NME5: variants seen among roughly 807,000 people sequenced by gnomAD.
NME5 encodes NME/NM23 family member 5.
NME5 carries 18 observed loss-of-function variants against 21.6 expected under a neutral mutation model. The ratio of observed to expected loss-of-function variants is 0.83; its 90% CI spans 0.58 to 1.24. The LOEUF is 1.24. NME5 is among the 50% of genes most tolerant of loss of function. The pLI, the probability that NME5 is intolerant of heterozygous loss-of-function variation, is 0.00. For synonymous variants in NME5, 70 were observed against 80.6 expected, an observed-to-expected ratio of 0.87 and a Z score of 0.71; for missense variants, 223 against 255.4, an observed-to-expected ratio of 0.87 and a Z score of 0.86.
chr5:138,135,260 G>T (rs1418142665), intron 2 of NME5, among the ~76,000 whole-genome samples: 1 of 144,116 alleles, frequency 6.9e-6, no homozygotes, highest in African/African-American at 2.5e-5. Context: ...GGAGCTTGCC[G>T]TGAGCCGAGA....
intron 4 of NME5, among the ~76,000 whole-genome samples, chr5:138,120,904 G>C (rs1434753444): frequency 6.6e-6 from 1 of 152,108 alleles, no homozygotes; most frequent in African/African-American, 2.4e-5. Flanking sequence ...AATACACCTA[G>C]CCTATTGAAC....
intron 5 of NME5, among the ~76,000 whole-genome samples, chr5:138,118,251 A>G (rs575169907): frequency 0.016 from 2,306 of 148,556 alleles, 25 homozygotes; most frequent in Non-Finnish European, 0.023. Context: ...TCAGCCTCCC[A>G]AGTAGCTGGG....
At chr5:138,135,320 A>G (rs1338959136) in intron 2 of NME5, among the ~76,000 whole-genome samples, 8 of 134,812 alleles carry the variant, frequency 5.9e-5, no homozygotes, top group African/African-American at 2.1e-4. Flanking sequence ...ACTCCGTCTC[A>G]AAAAAAAAAA....
At chr5:138,128,642 G>T in intron 3 of NME5, 63 bp from the exon 4 acceptor site, 1 of 1,073,528 alleles carries the variant, frequency 9.3e-7, no homozygotes, top group East Asian at 2.5e-5. Flanking sequence ...TTATATGCAT[G>T]CATTCCACTT....
chr5:138,129,524 C>T, intron 2 of NME5, 56 bp from the exon 3 acceptor site: 2 of 1,195,656 alleles, frequency 1.7e-6, no homozygotes, highest in South Asian at 2.5e-5. Context: ...AATGATAGCT[C>T]ATTAAAATCA....
At chr5:138,135,522 A>G (rs1319232810) in intron 2 of NME5, among the ~76,000 whole-genome samples, 4 of 151,390 alleles carry the variant, frequency 2.6e-5, no homozygotes, top group Admixed American at 2.0e-4. Flanking sequence ...TTTAGTAGAG[A>G]CGGGGTTTCA....
rs1751220964 is a variant in NME5 at position 138,118,817 on chromosome 5, C to A, written c.555+1G>T. On this transcript the variant is annotated splice_donor_variant, in intron 5 of 5. Coordinates refer to ENST00000265191, the MANE Select transcript of NME5 (RefSeq NM_003551.3). LOFTEE classifies it high-confidence loss of function. ...TAAGTGTGAATAAAAATATTTCTTA[C>A]CAAAGGATCTGCTGGTTTTTGCTTA... is the stretch of plus-strand genomic sequence containing the variant. The A allele has an allele frequency of 6.3e-7, 1 of 1,576,700 alleles. No individual in the cohort carries two copies. The highest frequency in any genetic ancestry group is 1.3e-5 in the African/African-American group (1 of 74,094).
At chr5:138,118,991 A>C in intron 4 of NME5, 55 bp from the exon 5 acceptor site, 2 of 1,006,874 alleles carry the variant, frequency 2.0e-6, no homozygotes, top group Non-Finnish European at 3.0e-6. Flanking sequence ...AATACTATAC[A>C]ATCATTAAAA....
intron 2 of NME5, among the ~76,000 whole-genome samples, chr5:138,134,665 C>T (rs183215880): frequency 1.6e-3 from 239 of 152,264 alleles, no homozygotes; most frequent in African/African-American, 4.8e-3. Context: ...CAGGATTGAG[C>T]CACCACGGCC....
chr5:138,136,299 G>A (rs112393434), intron 2 of NME5, among the ~76,000 whole-genome samples: 3,403 of 152,316 alleles, frequency 0.022, 125 homozygotes, highest in African/African-American at 0.076. Context: ...TGTATTGGTA[G>A]ATAACTGCCA....
Position 138,130,969 on chromosome 5 carries a change from T to TCCTGTAATCCCAGCA in NME5, c.130-1516_130-1502dup, listed in dbSNP as rs201631247. Among the ~76,000 whole-genome samples the TCCTGTAATCCCAGCA allele has an allele frequency of 7.1e-4, 97 of 137,414 alleles. 4 individuals carry two copies. The East Asian group carries it at 0.02, about 29-fold the overall frequency. The allele number at this position is 137,414 out of a possible 152,430, so 90.1% of individuals were successfully genotyped here. A position where few individuals can be genotyped will look rare whatever the true frequency, so the allele number is the denominator to read the frequency against. ...AATTAGGTCGGGTGTGGTGGCTCATTCCTGTAATCCCAGCACTTTGAGAGG... is the reference window on the plus strand; with the variant it reads ...AATTAGGTCGGGTGTGGTGGCTCATTCCTGTAATCCCAGCACCTGTAATCCCAGCACTTTGAGAGG... On this transcript the variant is annotated intron_variant, in intron 2 of 5. Transcript: ENST00000265191.
chr5:138,128,762 T>C (rs961588528), intron 3 of NME5, 183 bp from the exon 4 acceptor site: 1 of 483,206 alleles, frequency 2.1e-6, no homozygotes, highest in Non-Finnish European at 3.6e-6. Context: ...CAAATATATT[T>C]ACGTCTGCAG....
rs1751139725 is a variant in NME5 at position 138,115,592 on chromosome 5, T to A, written c.*89A>T. On this transcript the variant is annotated 3_prime_UTR_variant, in exon 6 of 6. Transcript: ENST00000265191. ...TAAATTTATTTTACTTGTAGTTACT[T>A]AAACCCTAGAAATAATTTTTTCAAA... 2 of 713,602 alleles carry A rather than the reference T, an allele frequency of 2.8e-6. No homozygotes were observed. The highest frequency in any genetic ancestry group is 2.9e-4 in the Middle Eastern group (1 of 3,392). The allele number at this position is 713,602 out of a possible 1,614,324, so 44.2% of individuals were successfully genotyped here.
intron 2 of NME5, among the ~76,000 whole-genome samples, chr5:138,138,073 A>G (rs1054027321): frequency 6.6e-6 from 1 of 152,204 alleles, no homozygotes; most frequent in African/African-American, 2.4e-5. Flanking sequence ...TTTATCCTTA[A>G]CAATGCTATT....
At chr5:138,115,882 TA>T in intron 5 of NME5, 118 bp from the exon 6 acceptor site, 1 of 597,334 alleles carries the variant, frequency 1.7e-6, no homozygotes, top group Non-Finnish European at 2.7e-6. Flanking sequence ...AAATGACCAT[TA>T]AAAATGGAAA....
chr5:138,126,574 A>G (rs1751433952), intron 4 of NME5, among the ~76,000 whole-genome samples: 1 of 151,418 alleles, frequency 6.6e-6, no homozygotes, highest in Non-Finnish European at 1.5e-5. Context: ...CAGTTTAGGA[A>G]TATAATCCTA....
chr5:138,116,912 A>C (rs1286163387), intron 5 of NME5, among the ~76,000 whole-genome samples: 1 of 152,204 alleles, frequency 6.6e-6, no homozygotes, highest in Non-Finnish European at 1.5e-5. Flanking sequence ...AAGAGCTTAA[A>C]CAATAAACAT....
chr5:138,120,230 C>CTT (rs59354099), intron 4 of NME5, among the ~76,000 whole-genome samples: 24,902 of 85,520 alleles, frequency 0.29, 3,880 homozygotes, highest in East Asian at 0.6. Context: ...GCTCCCAGCT[C>CTT]TTTTTTTTTT....
Position 138,138,641 on chromosome 5 carries a change from C to A in NME5, c.129+11G>T. On this transcript the variant is annotated intron_variant, in intron 2 of 5. Coordinates refer to ENST00000265191, the MANE Select transcript of NME5 (RefSeq NM_003551.3). ...AGGAAAAAAGCATGAATCATCATAC[C>A]CAGAAGTTACCTGAACAATGGTGAA... is the stretch of plus-strand genomic sequence containing the variant. The A allele has an allele frequency of 6.2e-7, 1 of 1,605,564 alleles. No homozygotes were observed. The highest frequency in any genetic ancestry group is 1.7e-5 in the Admixed American group (1 of 57,608).
Sources: allele counts gnomAD v4.1 joint callset (sites outside exome capture counted in the v4.1 genomes callset), GRCh38; gene constraint gnomAD v4.1.1; transcripts MANE v1.5; gene names NCBI Gene and HGNC (gene_info 2026-07-23, HGNC 2026-07-21).